CUX1: variants seen among roughly 807,000 people sequenced by gnomAD.
CUX1 encodes the protein protein CASP.
Under a neutral mutation model 158.8 loss-of-function variants are expected in CUX1, and 31 were observed. That is an observed-to-expected ratio of 0.20 (90% CI 0.15 to 0.26). The LOEUF (loss-of-function observed/expected upper bound fraction) is 0.26, where lower values mean the gene tolerates loss of function less well. Among genes scored for constraint, CUX1 ranks in the 10% least tolerant of loss-of-function variants. The pLI, the probability that CUX1 is intolerant of heterozygous loss-of-function variation, is 1.00. For missense variants in CUX1, 1,589 were observed against 2,014.6 expected, an observed-to-expected ratio of 0.79 and a Z score of 4.04; for synonymous variants, 879 against 862.1, an observed-to-expected ratio of 1.02 and a Z score of -0.34.
Position 102,257,928 on chromosome 7 carries a change from T to C in CUX1, c.*8886T>C. On this transcript the variant is annotated 3_prime_UTR_variant, in exon 24 of 24. Coordinates refer to ENST00000292535, the MANE Select transcript of CUX1 (RefSeq NM_181552.4). ...TTTTTTTTTTTTGTACAAATCGCTT[T>C]GAGATGCCTCTGGTGTGTTGCTGTG... The C allele has an allele frequency of 1.0e-6, 1 of 983,092 alleles. No homozygotes were observed. Among genetic ancestry groups the C allele is most frequent in the Non-Finnish European group, 1.2e-6 (1 of 829,462 alleles). 60.9% of individuals were successfully genotyped at this position (983,092 alleles called of 1,614,324 possible).
At chr7:102,109,962 G>A (rs549696946) in intron 6 of CUX1, among the ~76,000 whole-genome samples, 14 of 152,202 alleles carry the variant, frequency 9.2e-5, no homozygotes, top group Non-Finnish European at 1.8e-4. Context: ...GTCCACAGAG[G>A]CTTAAGTTAA....
At chr7:101,949,321 C>T (rs1176696757) in intron 2 of CUX1, among the ~76,000 whole-genome samples, 3 of 151,728 alleles carry the variant, frequency 2.0e-5, no homozygotes. Flanking sequence ...TCAGTAGAGA[C>T]GGGTTTCACC....
chr7:102,256,635 TGAGG>T lies in CUX1; in HGVS notation c.*7597_*7600del. ...ATGAACAAAAAAATTTACCAACGTG[TGAGG>T]GAGTTGCTGAGTTGAAGAATGCTCG... On this transcript the variant is annotated 3_prime_UTR_variant, in exon 24 of 24. Coordinates refer to ENST00000292535, the MANE Select transcript of CUX1 (RefSeq NM_181552.4). The T allele has an allele frequency of 2.0e-6, 2 of 985,372 alleles. No homozygotes were observed. Among genetic ancestry groups the T allele is most frequent in the Non-Finnish European group, 2.4e-6 (2 of 829,924 alleles). The allele number at this position is 985,372 out of a possible 1,614,324, so 61.0% of individuals were successfully genotyped here.
chr7:102,115,968 T>C (rs1831394336), intron 8 of CUX1, among the ~76,000 whole-genome samples: 1 of 152,146 alleles, frequency 6.6e-6, no homozygotes, highest in South Asian at 2.1e-4. Flanking sequence ...TTTGAACCAC[T>C]TTTTCCTGTT....
rs1173048193 is a variant in CUX1, at chr7:102,070,340, T to C, written c.191T>C (p.Ile64Thr). 1 of 1,608,188 alleles carries C rather than the reference T, an allele frequency of 6.2e-7. No homozygotes were observed. Among genetic ancestry groups the C allele is most frequent in the East Asian group, 2.2e-5 (1 of 44,804 alleles). ...TTTCTTTCTTTCCTTCCCTTTCAGATTGATGCACTGAGTAAAAGAAGCAAG... is the reference window on the plus strand; with the variant it reads ...TTTCTTTCTTTCCTTCCCTTTCAGACTGATGCACTGAGTAAAAGAAGCAAG... ...APLLKSFQGE[I>T]DALSKRSKEA... is the part of the protein sequence containing the mutation. The change falls in exon 4 of 24, where the codon ATT becomes ACT. Residue 64 changes from isoleucine to threonine, a missense_variant and splice_region_variant. Transcript: ENST00000292535.
chr7:102,208,338 G>A (rs555480764), intron 20 of CUX1, among the ~76,000 whole-genome samples: 2 of 152,252 alleles, frequency 1.3e-5, no homozygotes, highest in South Asian at 4.2e-4. Context: ...CCGCCTCCTG[G>A]GTTCAGGCGA....
chr7:102,275,397 C>G, intron 17 of CUX1: 1 of 1,519,616 alleles, frequency 6.6e-7, no homozygotes. Flanking sequence ...CTCCTTGGGC[C>G]CAAGGACACA....
chr7:101,850,421 CTTTT>C (rs545679696), intron 1 of CUX1, among the ~76,000 whole-genome samples: 2 of 104,646 alleles, frequency 1.9e-5, no homozygotes, highest in Non-Finnish European at 1.9e-5. Context: ...TTCTTTCTTT[CTTTT>C]TTTTTTTTTT....
intron 5 of CUX1, among the ~76,000 whole-genome samples, chr7:102,101,858 G>A (rs1829808522): frequency 1.3e-5 from 2 of 151,922 alleles, no homozygotes; most frequent in South Asian, 4.2e-4. Context: ...GTTGCAGTGG[G>A]CCGAGATTGC....
At chr7:101,981,395 A>G (rs1257041351) in intron 2 of CUX1, among the ~76,000 whole-genome samples, 1 of 152,212 alleles carries the variant, frequency 6.6e-6, no homozygotes, top group Non-Finnish European at 1.5e-5. Context: ...AATTATTTGT[A>G]GAGTGAATGA....
At chr7:102,177,640 G>A (rs1444904789) in intron 10 of CUX1, among the ~76,000 whole-genome samples, 3 of 151,684 alleles carry the variant, frequency 2.0e-5, no homozygotes, top group Non-Finnish European at 2.9e-5. Context: ...CTTCCCCAAC[G>A]CTCAGCAGCC....
At chr7:101,881,105 G>T (rs1799660484) in intron 1 of CUX1, among the ~76,000 whole-genome samples, 1 of 152,062 alleles carries the variant, frequency 6.6e-6, no homozygotes, top group African/African-American at 2.4e-5. Flanking sequence ...TGAAACATCA[G>T]TAGGGAAGAA....
At chr7:102,147,155 G>A (rs568561443) in intron 8 of CUX1, among the ~76,000 whole-genome samples, 27 of 152,244 alleles carry the variant, frequency 1.8e-4, no homozygotes, top group African/African-American at 6.0e-4. Flanking sequence ...ACCGTGGAGT[G>A]TGACACATTT....
At position 102,253,706 on chromosome 7, in the gene CUX1, T is replaced by C; in HGVS notation, c.*4664T>C. The C allele has an allele frequency of 1.8e-5, 18 of 985,440 alleles. No individual in the cohort carries two copies. Among genetic ancestry groups the C allele is most frequent in the Non-Finnish European group, 2.2e-5 (18 of 829,958 alleles). The allele number at this position is 985,440 out of a possible 1,614,324, so 61.0% of individuals were successfully genotyped here. Reference sequence around the variant, plus strand: ...CCTTAAATGCAGTATGACAGGCGCTTCTTGGCAGACCAGTAAAAACAAAAG... The same window carrying C: ...CCTTAAATGCAGTATGACAGGCGCTCCTTGGCAGACCAGTAAAAACAAAAG... On this transcript the variant is annotated 3_prime_UTR_variant, in exon 24 of 24. Transcript: ENST00000292535.
In CUX1 at chr7:102,280,036, G is replaced by C. The variant is rs1462658824; in HGVS notation, c.1681-1G>C. On this transcript the variant is annotated splice_acceptor_variant, in intron 18 of 22. Transcript: ENST00000292538. LOFTEE classifies it high-confidence loss of function. ...TTCTCTTCCCCTCCCTGTCTGTGCA[G>C]GGCAGCGGCAGTGATGACACGGAGC... 12 of 1,603,054 alleles carry C rather than the reference G, an allele frequency of 7.5e-6. No homozygotes were observed. Among genetic ancestry groups the C allele is most frequent in the African/African-American group, 1.3e-5 (1 of 74,898 alleles).
chr7:101,920,026 C>T (rs568103678), intron 2 of CUX1, among the ~76,000 whole-genome samples: 1 of 152,324 alleles, frequency 6.6e-6, no homozygotes, highest in East Asian at 1.9e-4. Flanking sequence ...CTCCTGGGCT[C>T]AAGTGATCCC....
At chr7:101,968,937 G>GT (rs552372672) in intron 2 of CUX1, among the ~76,000 whole-genome samples, 185 of 152,302 alleles carry the variant, frequency 1.2e-3, no homozygotes, top group African/African-American at 4.2e-3. Context: ...CAGGCCAGCT[G>GT]TGGGCTAGTG....
chr7:102,191,254 A>G (rs1794243112), intron 12 of CUX1, among the ~76,000 whole-genome samples: 2 of 152,176 alleles, frequency 1.3e-5, no homozygotes, highest in South Asian at 2.1e-4. Context: ...TATTTATTTG[A>G]CAGAGTTTAG....
chr7:102,190,264 G>A (rs1255515126), intron 12 of CUX1, among the ~76,000 whole-genome samples: 1 of 152,184 alleles, frequency 6.6e-6, no homozygotes, highest in African/African-American at 2.4e-5. Context: ...ACGCTGCCCC[G>A]GCCTCCTGGA....
Sources: gnomAD v4.1 joint callset for allele counts (sites outside exome capture counted in the v4.1 genomes callset) on GRCh38, gnomAD v4.1.1 for gene constraint, MANE v1.5 for transcripts, NCBI Gene and HGNC (gene_info 2026-07-23, HGNC 2026-07-21) for gene names.